Variants in NKD1 observed in about 807,000 individuals in gnomAD.
The protein encoded by NKD1 is protein naked cuticle homolog 1.
NKD1 carries 21 observed loss-of-function variants against 56.0 expected under a neutral mutation model. That is an observed-to-expected ratio of 0.38 (90% CI 0.27 to 0.54). The LOEUF (loss-of-function observed/expected upper bound fraction) is 0.54. NKD1 is among the 20% of genes least tolerant of loss of function. The probability of loss-of-function intolerance (pLI) is 0.82; values close to 1 mark genes in which losing one functional copy is unlikely to be tolerated. For synonymous variants in NKD1, 263 were observed against 265.7 expected, an observed-to-expected ratio of 0.99 and a Z score of 0.10; for missense variants, 578 against 642.7, an observed-to-expected ratio of 0.90 and a Z score of 1.09.
At chr16:50,563,579 A>G (rs1244278277) in intron 3 of NKD1, among the ~76,000 whole-genome samples, 17 of 144,510 alleles carry the variant, frequency 1.2e-4, no homozygotes, top group African/African-American at 4.2e-4. Flanking sequence ...GTCAGGCTAA[A>G]CTCCATCCTC....
At chr16:50,628,040 G>A (rs530838671) in intron 6 of NKD1, among the ~76,000 whole-genome samples, 1 of 152,142 alleles carries the variant, frequency 6.6e-6, no homozygotes, top group Non-Finnish European at 1.5e-5. Context: ...GGGCCTCGTC[G>A]AAAGAAGTGG....
At chr16:50,587,777 G>C (rs1332597062) in intron 3 of NKD1, among the ~76,000 whole-genome samples, 1 of 152,210 alleles carries the variant, frequency 6.6e-6, no homozygotes, top group East Asian at 1.9e-4. Context: ...AGCACTACAG[G>C]AGGTGAGCGT....
In NKD1 at chr16:50,562,994, C is replaced by A. The variant is rs564743319; in HGVS notation, c.192+13439C>A. On this transcript the variant is annotated intron_variant, in intron 3 of 9. Coordinates refer to ENST00000268459, the MANE Select transcript of NKD1 (RefSeq NM_033119.5). Reference sequence around the variant, plus strand: ...TGCTAGGTCCCACCACCACCCCCCCCCCCCGCCGTAGAATGGGTAGAAGAA... The same window carrying A: ...TGCTAGGTCCCACCACCACCCCCCCACCCCGCCGTAGAATGGGTAGAAGAA... Among the ~76,000 whole-genome samples the A allele has an allele frequency of 2.3e-3, 306 of 131,288 alleles. 31 individuals carry two copies. The highest frequency in any genetic ancestry group is 7.9e-3 in the African/African-American group (245 of 31,072). The allele number at this position is 131,288 out of a possible 152,430, so 86.1% of individuals were successfully genotyped here.
At chr16:50,591,266 C>T in intron 3 of NKD1, among the ~76,000 whole-genome samples, 1 of 152,390 alleles carries the variant, frequency 6.6e-6, no homozygotes, top group East Asian at 1.9e-4. Context: ...GCGCTTCTCT[C>T]TCCATCTGTA....
intron 3 of NKD1, among the ~76,000 whole-genome samples, chr16:50,600,234 C>T (rs188809352): frequency 1.3e-5 from 2 of 151,264 alleles, no homozygotes; most frequent in African/African-American, 4.9e-5. Context: ...CTTAAAAAAA[C>T]AAAACAAAAC....
intron 3 of NKD1, among the ~76,000 whole-genome samples, chr16:50,602,779 G>C (rs1173408733): frequency 6.6e-6 from 1 of 152,228 alleles, no homozygotes; most frequent in Non-Finnish European, 1.5e-5. Context: ...CTGTGGTCTG[G>C]CCCTCTGCCC....
At chr16:50,576,992 G>A (rs1961007351) in intron 3 of NKD1, among the ~76,000 whole-genome samples, 2 of 152,204 alleles carry the variant, frequency 1.3e-5, no homozygotes, top group Non-Finnish European at 2.9e-5. Context: ...TTCAGGAGGT[G>A]CCCATTGTGT....
At position 50,646,189 on chromosome 16, in the gene NKD1, A is replaced by G. The variant is rs1272842106; in HGVS notation, c.*12408A>G. ...TCTAGCAAAAAGAAAGGCAAATCCA[A>G]TGATAATGTACATCTGTTTCAGGGA... On this transcript the variant is annotated 3_prime_UTR_variant, in exon 10 of 10. Transcript: ENST00000268459. 1 of 152,194 alleles carries G rather than the reference A, an allele frequency of 6.6e-6. No individual in the cohort carries two copies. Among genetic ancestry groups the G allele is most frequent in the East Asian group, 1.9e-4 (1 of 5,194 alleles). The allele number at this position is 152,194 out of a possible 1,614,324, so 9.4% of individuals were successfully genotyped here.
intron 3 of NKD1, chr16:50,566,121 G>A (rs1385244297): frequency 2.0e-6 from 2 of 984,080 alleles, no homozygotes; most frequent in South Asian, 4.7e-5. Flanking sequence ...AGCTTCAGGG[G>A]GAGCTTGTGG....
chr16:50,630,464 AAATGGGTCCTTG>A, intron 7 of NKD1, 131 bp downstream of exon 7: 1 of 946,780 alleles, frequency 1.1e-6, no homozygotes, highest in Non-Finnish European at 1.6e-6. Context: ...GGTGGGGTTC[AAATGGGTCCTTG>A]AAAGGGTAGG....
intron 3 of NKD1, chr16:50,606,611 T>C: frequency 2.7e-6 from 1 of 367,800 alleles, no homozygotes; most frequent in Non-Finnish European, 5.5e-6. Flanking sequence ...ACGGCTGCCT[T>C]GTTGGTGGCG....
At chr16:50,604,277 T>C (rs1378732396) in intron 3 of NKD1, among the ~76,000 whole-genome samples, 1 of 152,162 alleles carries the variant, frequency 6.6e-6, no homozygotes, top group Non-Finnish European at 1.5e-5. Flanking sequence ...TAAAACAGGG[T>C]AATCATGGCA....
intron 3 of NKD1, among the ~76,000 whole-genome samples, chr16:50,605,472 C>T (rs1331028002): frequency 6.6e-6 from 1 of 152,128 alleles, no homozygotes; most frequent in Non-Finnish European, 1.5e-5. Flanking sequence ...CACAGTTGGC[C>T]CTCCTTATCC....
At chr16:50,561,319 G>T (rs1960628099) in intron 3 of NKD1, among the ~76,000 whole-genome samples, 1 of 151,622 alleles carries the variant, frequency 6.6e-6, no homozygotes, top group African/African-American at 2.4e-5. Context: ...TATCTATTAT[G>T]ACCTCTCCTG....
chr16:50,563,487 A>T lies in NKD1; in HGVS notation c.192+13932A>T, dbSNP rs192430669. ...CCATCCTCAGTGGGCGCAGCCCTGG[A>T]CCCATGGAGAAGACCTTGTGTGTCA... On this transcript the variant is annotated intron_variant, in intron 3 of 9. Transcript: ENST00000268459. 5.4e-5 allele frequency among the ~76,000 whole-genome samples: 8 copies of T among 148,882 alleles called. No individual in the cohort carries two copies. The East Asian group carries it at 1.0e-3, about 19-fold the overall frequency.
chr16:50,625,198 A>C (rs1962181987), intron 5 of NKD1: 1 of 464,202 alleles, frequency 2.2e-6, no homozygotes, highest in Admixed American at 3.7e-5. Flanking sequence ...CTGAGGCCAC[A>C]GTGCCTCTTC....
In NKD1 at chr16:50,577,720, T is replaced by A. The variant is rs186870037; in HGVS notation, c.192+28165T>A. 1.8e-3 allele frequency among the ~76,000 whole-genome samples: 274 copies of A among 152,334 alleles called. 5 individuals are homozygous for A. The highest frequency in any genetic ancestry group is 6.9e-4 in the Non-Finnish European group (47 of 68,028). On this transcript the variant is annotated intron_variant, in intron 3 of 9. Transcript: ENST00000268459. ...CCGTTCCACTCTGCTTCTTTGAGTTTGCCCATTTTAGATTCCACATATAAA... is the reference window on the plus strand; with the variant it reads ...CCGTTCCACTCTGCTTCTTTGAGTTAGCCCATTTTAGATTCCACATATAAA...
rs145574581 is a variant in NKD1, at chr16:50,578,792, A to G, written c.192+29237A>G. Among the ~76,000 whole-genome samples, 51 of 152,206 alleles carry G rather than the reference A, an allele frequency of 3.4e-4. 1 individual carries two copies. The highest frequency in any genetic ancestry group is 5.1e-4 in the Non-Finnish European group (35 of 68,008). On this transcript the variant is annotated intron_variant, in intron 3 of 9. Coordinates refer to ENST00000268459, the MANE Select transcript of NKD1 (RefSeq NM_033119.5). ...TGGCCTGGATGCAAGACCACTGGCTATGTCTCGGTCACTGCCTTATCTCAT... is the reference window on the plus strand; with the variant it reads ...TGGCCTGGATGCAAGACCACTGGCTGTGTCTCGGTCACTGCCTTATCTCAT...
intron 4 of NKD1, among the ~76,000 whole-genome samples, chr16:50,618,754 C>T (rs748773316): frequency 2.6e-5 from 4 of 152,168 alleles, no homozygotes; most frequent in African/African-American, 4.8e-5. Flanking sequence ...CACTGACCGT[C>T]GGCTGACCTG....
Sources: allele counts gnomAD v4.1 joint callset (sites outside exome capture counted in the v4.1 genomes callset), GRCh38; gene constraint gnomAD v4.1.1; transcripts MANE v1.5; gene names NCBI Gene and HGNC (gene_info 2026-07-23, HGNC 2026-07-21).